The following CDC42BPA variants were observed in gnomAD, a reference collection of about 807,000 sequenced individuals.
CDC42BPA encodes the protein CDC42 binding protein kinase alpha.
CDC42BPA carries 80 observed loss-of-function variants against 223.5 expected under a neutral mutation model. The observed-to-expected ratio is 0.36, with a 90% CI of 0.30 to 0.43. The LOEUF (loss-of-function observed/expected upper bound fraction) is 0.43. CDC42BPA is among the 20% of genes least tolerant of loss of function. CDC42BPA has a pLI of 1.00. For missense variants in CDC42BPA, 1,743 were observed against 2,099.9 expected (o/e 0.83, Z 3.32); for synonymous variants, 694 against 718.6 (o/e 0.97, Z 0.55).
chr1:227,137,765 T>C (rs12135061), intron 10 of CDC42BPA, among the ~76,000 whole-genome samples: 31,093 of 151,282 alleles, frequency 0.21, 3,278 homozygotes, highest in Middle Eastern at 0.26. Context: ...CAAAAGAGAA[T>C]ATACTGTATG....
At chr1:227,060,028 TTG>T (rs1241473172) in intron 21 of CDC42BPA, among the ~76,000 whole-genome samples, 19 of 88,714 alleles carry the variant, frequency 2.1e-4, no homozygotes, top group African/African-American at 6.0e-4. Flanking sequence ...AAGTTTTTTT[TTG>T]TTTTTTTTTT....
chr1:227,224,247 T>C (rs1359251499), intron 2 of CDC42BPA, among the ~76,000 whole-genome samples: 1 of 151,976 alleles, frequency 6.6e-6, no homozygotes, highest in Non-Finnish European at 1.5e-5. Flanking sequence ...TTTTTTTTTT[T>C]TTTGAGATGG....
In CDC42BPA at chr1:227,256,938, TATATATACAG is replaced by T. The variant is rs147293340; in HGVS notation, c.179-2793_179-2784del. On this transcript the variant is annotated intron_variant, in intron 1 of 36. Transcript: ENST00000366766. Reference sequence around the variant, plus strand: ...ATGAACAGATAAACAAAATGTGATATATATATACAGACACACACACACACACACACACACA... The same window carrying T: ...ATGAACAGATAAACAAAATGTGATATACACACACACACACACACACACACA... 4.7e-3 allele frequency among the ~76,000 whole-genome samples: 560 copies of T among 119,980 alleles called. 7 individuals carry two copies. Among genetic ancestry groups the T allele is most frequent in the African/African-American group, 0.016 (526 of 32,140 alleles). 78.7% of individuals were successfully genotyped at this position (119,980 alleles called of 152,430 possible). A position where few individuals can be genotyped will look rare whatever the true frequency, so the allele number is the denominator to read the frequency against.
chr1:227,299,162 A>G (rs1691216950), intron 1 of CDC42BPA, among the ~76,000 whole-genome samples: 1 of 152,238 alleles, frequency 6.6e-6, no homozygotes, highest in South Asian at 2.1e-4. Flanking sequence ...TGGAAAGAAA[A>G]TGAAACTTGA....
In CDC42BPA at chr1:227,158,432, T is replaced by C. The variant is rs75105887; in HGVS notation, c.693+2111A>G. On this transcript the variant is annotated intron_variant, in intron 6 of 36. Coordinates refer to ENST00000366766, the MANE Select transcript of CDC42BPA (RefSeq NM_001394014.1). ...TGTGAATAAGATGTTATAGAGAGTA[T>C]TGATTCTATTATCTTCTTATGAAGA... Among the ~76,000 whole-genome samples, 80 of 152,292 alleles carry C rather than the reference T, an allele frequency of 5.3e-4. No homozygotes were observed. The East Asian group carries it at 6.2e-3, about 12-fold the overall frequency.
chr1:227,003,953 GA>G (rs1241605291), intron 35 of CDC42BPA: 1 of 152,096 alleles, frequency 6.6e-6, no homozygotes, highest in Non-Finnish European at 1.5e-5. Context: ...GTATCTAATG[GA>G]ACCTCAAACA....
At chr1:227,008,779 G>A (rs1041727911) in intron 34 of CDC42BPA, among the ~76,000 whole-genome samples, 4 of 152,134 alleles carry the variant, frequency 2.6e-5, no homozygotes, top group Admixed American at 2.0e-4. Context: ...TTTAACTGCT[G>A]CCATCTACAT....
intron 30 of CDC42BPA, among the ~76,000 whole-genome samples, chr1:227,026,747 A>G (rs1363048580): frequency 6.6e-6 from 1 of 152,148 alleles, no homozygotes; most frequent in Non-Finnish European, 1.5e-5. Flanking sequence ...CTACATTAGA[A>G]TAATCATAAT....
At chr1:227,191,345 C>CAAAAAAAAAAAAAAA (rs71281008) in intron 5 of CDC42BPA, among the ~76,000 whole-genome samples, 4 of 136,218 alleles carry the variant, frequency 2.9e-5, no homozygotes, top group African/African-American at 1.1e-4. Context: ...AACTCTGTCT[C>CAAAAAAAAAAAAAAA]AAAAAAAAGA....
At chr1:227,152,194 C>A (rs10916097) in intron 6 of CDC42BPA, among the ~76,000 whole-genome samples, 30,382 of 151,962 alleles carry the variant, frequency 0.2, 3,145 homozygotes, top group Middle Eastern at 0.26. Context: ...TCACTCTGAT[C>A]GTGCCCTTTG....
intron 3 of CDC42BPA, among the ~76,000 whole-genome samples, chr1:227,202,730 C>T (rs935679324): frequency 6.8e-6 from 1 of 148,120 alleles, no homozygotes; most frequent in Non-Finnish European, 1.5e-5. Flanking sequence ...AACCAGCCTG[C>T]CTGACATAGC....
intron 10 of CDC42BPA, among the ~76,000 whole-genome samples, chr1:227,132,058 T>C (rs957129482): frequency 6.8e-6 from 1 of 147,492 alleles, no homozygotes; most frequent in Non-Finnish European, 1.5e-5. Flanking sequence ...AAACTCTCTC[T>C]CATGTGAAAA....
At chr1:227,069,733 T>G in intron 21 of CDC42BPA, 44 bp downstream of exon 21, 1 of 1,367,154 alleles carries the variant, frequency 7.3e-7, no homozygotes. Flanking sequence ...ACAAAGTGAA[T>G]TTTAAATTGA....
intron 34 of CDC42BPA, among the ~76,000 whole-genome samples, chr1:227,014,910 C>T (rs893084853): frequency 7.9e-5 from 12 of 152,064 alleles, no homozygotes; most frequent in African/African-American, 1.4e-4. Context: ...TAAACATGAC[C>T]GGTCTGAGAG....
chr1:227,301,362 ATTT>A (rs368829941), intron 1 of CDC42BPA, among the ~76,000 whole-genome samples: 3 of 109,970 alleles, frequency 2.7e-5, no homozygotes, highest in African/African-American at 3.0e-5. Context: ...GGATGTAGAC[ATTT>A]TTTTTTTTTT....
chr1:227,253,488 C>T (rs919368704), intron 2 of CDC42BPA, among the ~76,000 whole-genome samples: 3 of 151,962 alleles, frequency 2.0e-5, no homozygotes, highest in Non-Finnish European at 2.9e-5. Flanking sequence ...CCCAGCTACT[C>T]GGGAGGCTGA....
At chr1:227,305,058 G>C (rs1692312102) in intron 1 of CDC42BPA, among the ~76,000 whole-genome samples, 1 of 152,128 alleles carries the variant, frequency 6.6e-6, no homozygotes, top group Non-Finnish European at 1.5e-5. Context: ...CTAAAGATTA[G>C]ATGACAATAT....
chr1:227,191,969 T>TAAA (rs60130170), intron 5 of CDC42BPA, among the ~76,000 whole-genome samples: 36 of 148,086 alleles, frequency 2.4e-4, no homozygotes, highest in East Asian at 2.0e-3. Context: ...AAATTTAAAT[T>TAAA]AAAAAAAAAA....
intron 2 of CDC42BPA, among the ~76,000 whole-genome samples, chr1:227,214,032 C>T (rs1052083685): frequency 1.3e-5 from 2 of 152,130 alleles, no homozygotes; most frequent in African/African-American, 4.8e-5. Context: ...CACAGGCTAG[C>T]CCACAAAAGA....
Sources: allele counts gnomAD v4.1 joint callset (sites outside exome capture counted in the v4.1 genomes callset), GRCh38; gene constraint gnomAD v4.1.1; transcripts MANE v1.5; gene names NCBI Gene and HGNC (gene_info 2026-07-23, HGNC 2026-07-21).